FAT3: variants seen among roughly 807,000 people sequenced by gnomAD.
FAT3 encodes the protein FAT atypical cadherin 3, also known as protocadherin Fat 3.
FAT3 carries 95 observed loss-of-function variants against 310.2 expected under a neutral mutation model. The ratio of observed to expected loss-of-function variants is 0.31; its 90% CI spans 0.26 to 0.36. The LOEUF is 0.36. Among genes scored for constraint, FAT3 ranks in the 10% least tolerant of loss-of-function variants. The pLI, the probability that FAT3 is intolerant of heterozygous loss-of-function variation, is 1.00. For missense variants in FAT3, 5,408 were observed against 5,715.6 expected, an observed-to-expected ratio of 0.95 and a Z score of 1.74; for synonymous variants, 2,314 against 2,192.9, an observed-to-expected ratio of 1.06 and a Z score of -1.54.
chr11:92,352,333 A>T lies in FAT3; in HGVS notation c.221A>T (p.Asp74Val), dbSNP rs1402039315. ...SQSRMGITLI[D>V]LSWDIKYRIV... ...AGTAGAATGGGCATCACCTTAATAGATCTATCCTGGGATATCAAATACAGA... is the reference window on the plus strand; with the variant it reads ...AGTAGAATGGGCATCACCTTAATAGTTCTATCCTGGGATATCAAATACAGA... Residue 74 changes from aspartate (D) to valine (V), a missense_variant, in exon 2 of 28, where the codon GAT becomes GTT. Transcript: ENST00000525166. The T allele has an allele frequency of 6.4e-7, 1 of 1,572,036 alleles. No individual in the cohort carries two copies. Among genetic ancestry groups the T allele is most frequent in the South Asian group, 1.1e-5 (1 of 89,910 alleles).
chr11:92,509,008 C>T (rs1953203014), intron 2 of FAT3, among the ~76,000 whole-genome samples: 1 of 152,120 alleles, frequency 6.6e-6, no homozygotes, highest in Non-Finnish European at 1.5e-5. Context: ...ATCTTCTCAG[C>T]AGAATTTTCA....
chr11:92,361,060 C>A (rs1948868853), intron 2 of FAT3, among the ~76,000 whole-genome samples: 1 of 152,058 alleles, frequency 6.6e-6, no homozygotes, highest in Admixed American at 6.6e-5. Context: ...ATATTTTTTT[C>A]TTGCCCCAGA....
Position 92,874,133 on chromosome 11 carries a change from A to G in FAT3, c.12128-6598A>G, listed in dbSNP as rs1949465279. 2.0e-5 allele frequency among the ~76,000 whole-genome samples: 3 copies of G among 152,220 alleles called. No individual in the cohort carries two copies. In the South Asian group the frequency reaches 6.2e-4, roughly 32 times the overall value. ...GATATTCTCCCCTCTGAACAAGAAA[A>G]AAAATCAATTTTTTAAGAATACGTT... On this transcript the variant is annotated intron_variant, in intron 22 of 27. Coordinates refer to ENST00000525166, the MANE Select transcript of FAT3 (RefSeq NM_001367949.2).
chr11:92,418,423 C>CCTCCT (rs1950462491), intron 2 of FAT3, among the ~76,000 whole-genome samples: 1 of 46,134 alleles, frequency 2.2e-5, no homozygotes, highest in African/African-American at 6.1e-5. Flanking sequence ...TTAAACACCC[C>CCTCCT]CCCCACCCCC....
intron 2 of FAT3, among the ~76,000 whole-genome samples, chr11:92,515,827 G>A (rs1324790782): frequency 2.6e-5 from 4 of 152,112 alleles, no homozygotes; most frequent in South Asian, 2.1e-4. Context: ...GTGTGTGAAA[G>A]TCATGATAGT....
intron 1 of FAT3, among the ~76,000 whole-genome samples, chr11:92,277,481 G>A (rs532209073): frequency 6.6e-6 from 1 of 152,204 alleles, no homozygotes; most frequent in African/African-American, 2.4e-5. Flanking sequence ...GCGGTGGATT[G>A]AATAAAGGAA....
intron 2 of FAT3, among the ~76,000 whole-genome samples, chr11:92,410,687 T>C (rs1394783436): frequency 6.6e-6 from 1 of 152,058 alleles, no homozygotes; most frequent in Middle Eastern, 3.2e-3. Context: ...ACGGAATAAT[T>C]TTCCAGATCA....
intron 19 of FAT3, among the ~76,000 whole-genome samples, chr11:92,845,840 C>A (rs1420042433): frequency 1.3e-5 from 2 of 152,126 alleles, no homozygotes; most frequent in Non-Finnish European, 2.9e-5. Flanking sequence ...GGAGAATGAG[C>A]TCATCACAGG....
intron 4 of FAT3, among the ~76,000 whole-genome samples, chr11:92,735,360 A>G (rs1247989582): frequency 6.6e-6 from 1 of 152,174 alleles, no homozygotes; most frequent in Non-Finnish European, 1.5e-5. Context: ...GTCTTTGGAC[A>G]ATGTCATTTG....
At chr11:92,731,509 C>T (rs1214510575) in intron 4 of FAT3, among the ~76,000 whole-genome samples, 6 of 152,294 alleles carry the variant, frequency 3.9e-5, no homozygotes, top group Admixed American at 1.3e-4. Flanking sequence ...CACAGAGATA[C>T]AGACTTTACA....
At chr11:92,447,060 A>G (rs572442677) in intron 2 of FAT3, among the ~76,000 whole-genome samples, 1 of 152,002 alleles carries the variant, frequency 6.6e-6, no homozygotes, top group South Asian at 2.1e-4. Context: ...CATACTACAG[A>G]ACAAATTAGC....
At chr11:92,274,928 G>C (rs556469641) in intron 1 of FAT3, among the ~76,000 whole-genome samples, 4 of 152,130 alleles carry the variant, frequency 2.6e-5, no homozygotes, top group African/African-American at 4.8e-5. Flanking sequence ...TGAAAGCACG[G>C]CAACTTTGTA....
At chr11:92,505,761 C>T (rs1953080625) in intron 2 of FAT3, among the ~76,000 whole-genome samples, 1 of 152,132 alleles carries the variant, frequency 6.6e-6, no homozygotes, top group East Asian at 1.9e-4. Flanking sequence ...TAATTCTCTG[C>T]TGGACTCTTC....
At chr11:92,261,984 T>A (rs1382331170) in intron 1 of FAT3, among the ~76,000 whole-genome samples, 1 of 152,012 alleles carries the variant, frequency 6.6e-6, no homozygotes, top group Non-Finnish European at 1.5e-5. Context: ...ACATATTTAC[T>A]CTCTCTTTTT....
chr11:92,571,522 C>T (rs1015113074), intron 3 of FAT3, among the ~76,000 whole-genome samples: 56 of 152,184 alleles, frequency 3.7e-4, no homozygotes, highest in Non-Finnish European at 6.9e-4. Context: ...TGACTTTCAC[C>T]ACCATCCATT....
intron 1 of FAT3, among the ~76,000 whole-genome samples, chr11:92,347,888 G>A (rs541288244): frequency 6.6e-6 from 1 of 152,094 alleles, no homozygotes; most frequent in Non-Finnish European, 1.5e-5. Context: ...AAATCAATGT[G>A]CAGAGCATCT....
chr11:92,580,160 G>T (rs1036665499), intron 3 of FAT3, among the ~76,000 whole-genome samples: 1 of 151,972 alleles, frequency 6.6e-6, no homozygotes, highest in Non-Finnish European at 1.5e-5. Context: ...GAAAAGAATA[G>T]GTGAGTATGA....
At chr11:92,440,086 G>C (rs1261152074) in intron 2 of FAT3, among the ~76,000 whole-genome samples, 1 of 152,118 alleles carries the variant, frequency 6.6e-6, no homozygotes, top group Non-Finnish European at 1.5e-5. Context: ...TAGTTTTGAG[G>C]AGGTGGATCT....
At chr11:92,830,524 C>CATT (rs1948217600) in intron 13 of FAT3, among the ~76,000 whole-genome samples, 1 of 152,108 alleles carries the variant, frequency 6.6e-6, no homozygotes, top group African/African-American at 2.4e-5. Flanking sequence ...TGACCTCATT[C>CATT]ATTTGCATGG....
Sources: allele counts gnomAD v4.1 joint callset (sites outside exome capture counted in the v4.1 genomes callset), GRCh38; gene constraint gnomAD v4.1.1; transcripts MANE v1.5; gene names NCBI Gene and HGNC (gene_info 2026-07-23, HGNC 2026-07-21).